TIMP3: variants seen among roughly 807,000 people sequenced by gnomAD.
TIMP3 encodes the protein metalloproteinase inhibitor 3.
In TIMP3, 11 loss-of-function variants were observed where a neutral mutation model predicts 30.0. That is an observed-to-expected ratio of 0.37 (90% CI 0.23 to 0.61). TIMP3 has a LOEUF of 0.61. TIMP3 is among the 20% of genes least tolerant of loss of function. The pLI, the probability that TIMP3 is intolerant of heterozygous loss-of-function variation, is 0.70. For synonymous variants in TIMP3, 112 were observed against 111.3 expected (o/e 1.01, Z -0.04); for missense variants, 181 against 276.8 (o/e 0.65, Z 2.45).
intron 4 of TIMP3, 66 bp downstream of exon 4, chr22:32,858,204 C>A (rs2048429953): frequency 6.3e-7 from 1 of 1,598,642 alleles, no homozygotes; most frequent in Admixed American, 1.7e-5. Flanking sequence ...AACATCAGCT[C>A]CCAATGCACT....
chr22:32,822,002 A>T (rs1320099538), intron 1 of TIMP3, among the ~76,000 whole-genome samples: 1 of 152,012 alleles, frequency 6.6e-6, no homozygotes, highest in Non-Finnish European at 1.5e-5. Context: ...CTAAAAATAC[A>T]AAATTAGCCG....
chr22:32,847,919 C>A (rs780874518), intron 1 of TIMP3, among the ~76,000 whole-genome samples: 1 of 152,210 alleles, frequency 6.6e-6, no homozygotes, highest in Non-Finnish European at 1.5e-5. Context: ...CATCACACCC[C>A]CTGATAGAGG....
intron 1 of TIMP3, among the ~76,000 whole-genome samples, chr22:32,802,788 G>A (rs1347344657): frequency 6.6e-6 from 1 of 152,112 alleles, no homozygotes; most frequent in African/African-American, 2.4e-5. Context: ...AGGTGCGAGG[G>A]GTCACTCACC....
At chr22:32,823,673 C>A (rs1372534187) in intron 1 of TIMP3, among the ~76,000 whole-genome samples, 1 of 152,154 alleles carries the variant, frequency 6.6e-6, no homozygotes, top group Non-Finnish European at 1.5e-5. Flanking sequence ...CTGGCTGAGG[C>A]AGGAAGAAGC....
intron 1 of TIMP3, among the ~76,000 whole-genome samples, chr22:32,814,213 A>G (rs987894772): frequency 3.5e-5 from 5 of 144,760 alleles, no homozygotes; most frequent in African/African-American, 1.3e-4. Flanking sequence ...AAGAAAACAA[A>G]GAAAGGAAAG....
At chr22:32,811,770 A>G (rs1431480988) in intron 1 of TIMP3, among the ~76,000 whole-genome samples, 1 of 152,042 alleles carries the variant, frequency 6.6e-6, no homozygotes, top group African/African-American at 2.4e-5. Context: ...CATATAGCCA[A>G]TACATGGAAT....
At chr22:32,849,393 C>A in intron 1 of TIMP3, 59 bp from the exon 2 acceptor site, 1 of 1,501,820 alleles carries the variant, frequency 6.7e-7, no homozygotes, top group Non-Finnish European at 9.2e-7. Context: ...CCCTGAGATG[C>A]TGTTCCTGAT....
At position 32,820,492 on chromosome 22, in the gene TIMP3, C is replaced by T. The variant is rs182527337; in HGVS notation, c.121+18370C>T. On this transcript the variant is annotated intron_variant, in intron 1 of 4. Coordinates refer to ENST00000266085, the MANE Select transcript of TIMP3 (RefSeq NM_000362.5). ...CCTGCACCTGAAAGCCGTAACTCCC[C>T]GGCACCTGGCTGGTTGACTTCTTCC... is the stretch of plus-strand genomic sequence containing the variant. 2.6e-5 allele frequency among the ~76,000 whole-genome samples: 4 copies of T among 152,248 alleles called. No individual in the cohort carries two copies. The East Asian group carries it at 7.7e-4, about 29-fold the overall frequency.
chr22:32,804,478 G>T (rs1164751935), intron 1 of TIMP3, among the ~76,000 whole-genome samples: 4 of 152,194 alleles, frequency 2.6e-5, no homozygotes, highest in East Asian at 1.9e-4. Flanking sequence ...CCCCCTAAAG[G>T]TGTTCACATC....
chr22:32,807,381 A>C (rs2046784554), intron 1 of TIMP3, among the ~76,000 whole-genome samples: 1 of 107,000 alleles, frequency 9.3e-6, no homozygotes, highest in Non-Finnish European at 1.8e-5. Context: ...TATATATAAT[A>C]TATATTATAT....
At chr22:32,824,421 A>G (rs1278186874) in intron 1 of TIMP3, among the ~76,000 whole-genome samples, 5 of 152,066 alleles carry the variant, frequency 3.3e-5, no homozygotes, top group African/African-American at 1.2e-4. Context: ...GGAGTGAGAC[A>G]ATCTCAGGAT....
chr22:32,824,570 G>A (rs1022560791), intron 1 of TIMP3, among the ~76,000 whole-genome samples: 3 of 151,960 alleles, frequency 2.0e-5, no homozygotes, highest in Non-Finnish European at 4.4e-5. Context: ...TATATTTTTT[G>A]CATAATTAAA....
At chr22:32,806,757 G>A (rs2046751396) in intron 1 of TIMP3, among the ~76,000 whole-genome samples, 1 of 151,802 alleles carries the variant, frequency 6.6e-6, no homozygotes, top group South Asian at 2.1e-4. Context: ...GTATATCTAT[G>A]ATATATCCAT....
At chr22:32,828,704 T>C (rs1010531723) in intron 1 of TIMP3, among the ~76,000 whole-genome samples, 2 of 152,198 alleles carry the variant, frequency 1.3e-5, no homozygotes, top group Admixed American at 6.5e-5. Context: ...GCGGGAGTTC[T>C]TACCTACCCA....
chr22:32,830,665 C>A (rs903102064), intron 1 of TIMP3, among the ~76,000 whole-genome samples: 3 of 152,160 alleles, frequency 2.0e-5, no homozygotes, highest in Non-Finnish European at 4.4e-5. Context: ...GGGCCACCCC[C>A]CCGCCCCCGC....
intron 2 of TIMP3, among the ~76,000 whole-genome samples, chr22:32,855,805 A>G (rs2048347070): frequency 6.6e-6 from 1 of 152,222 alleles, no homozygotes; most frequent in African/African-American, 2.4e-5. Context: ...CTAGGGGGGC[A>G]AAATTGCCTC....
chr22:32,859,865 C>G lies in TIMP3; in HGVS notation c.*488C>G, dbSNP rs1303686865. 1.1e-5 allele frequency: 2 copies of G among 182,144 alleles called. No individual in the cohort carries two copies. The highest frequency in any genetic ancestry group is 2.4e-5 in the African/African-American group (1 of 41,746). The allele number at this position is 182,144 out of a possible 1,614,324, so 11.3% of individuals were successfully genotyped here. On this transcript the variant is annotated 3_prime_UTR_variant, in exon 5 of 5. Coordinates refer to ENST00000266085, the MANE Select transcript of TIMP3 (RefSeq NM_000362.5). ...TTCAGGATCAGTCAAAGGCAGCAAG[C>G]AGATAGACTCAAGGTGTGTGAAAGA... is the stretch of plus-strand genomic sequence containing the variant.
At chr22:32,843,800 G>A (rs1262728523) in intron 1 of TIMP3, among the ~76,000 whole-genome samples, 1 of 152,112 alleles carries the variant, frequency 6.6e-6, no homozygotes, top group Admixed American at 6.5e-5. Context: ...AGTGACTTCT[G>A]CATTTGAAGA....
intron 1 of TIMP3, among the ~76,000 whole-genome samples, chr22:32,839,757 C>T (rs561909693): frequency 6.6e-6 from 1 of 152,294 alleles, no homozygotes; most frequent in East Asian, 1.9e-4. Context: ...GAGGTTGCCC[C>T]TTAACACATG....
Sources: allele counts gnomAD v4.1 joint callset (sites outside exome capture counted in the v4.1 genomes callset), GRCh38; gene constraint gnomAD v4.1.1; transcripts MANE v1.5; gene names NCBI Gene and HGNC (gene_info 2026-07-23, HGNC 2026-07-21).